The following CACNB2 variants were observed in gnomAD, a reference collection of about 807,000 sequenced individuals.
The protein encoded by CACNB2 is calcium voltage-gated channel auxiliary subunit beta 2, also known as voltage-dependent L-type calcium channel subunit beta-2.
A neutral mutation model predicts 73.3 loss-of-function variants in CACNB2; 42 were observed. The ratio of observed to expected loss-of-function variants is 0.57; its 90% confidence interval spans 0.45 to 0.74. The LOEUF is 0.74. Among genes scored for constraint, CACNB2 ranks in the 30% least tolerant of loss-of-function variants. The probability of loss-of-function intolerance (pLI) is 0.00; values close to 1 mark genes in which losing one functional copy is unlikely to be tolerated. For missense variants in CACNB2, 940 were observed against 853.0 expected (o/e 1.10, Z -1.27); for synonymous variants, 348 against 310.3 (o/e 1.12, Z -1.28).
intron 3 of CACNB2, among the ~76,000 whole-genome samples, chr10:18,497,237 AAAAG>A (rs2049892836): frequency 6.6e-6 from 1 of 151,714 alleles, no homozygotes; most frequent in Admixed American, 6.6e-5. Flanking sequence ...AAAGAAGAAA[AAAAG>A]AAAGAAAGAA....
At chr10:18,144,758 A>G (rs1330359701) in intron 1 of CACNB2, among the ~76,000 whole-genome samples, 1 of 152,214 alleles carries the variant, frequency 6.6e-6, no homozygotes. Context: ...CATGTTTTGG[A>G]TATGCTGGGT....
chr10:18,170,383 GT>G (rs1162949445), intron 2 of CACNB2, among the ~76,000 whole-genome samples: 1 of 152,174 alleles, frequency 6.6e-6, no homozygotes, highest in African/African-American at 2.4e-5. Context: ...GAAAGAATAA[GT>G]CCTTGCCATC....
rs1370816775 is a variant in CACNB2, at chr10:18,500,871, C to T, written c.516C>T (p.Phe172=). 1 of 1,613,704 alleles carries T rather than the reference C, an allele frequency of 6.2e-7. No individual in the cohort carries two copies. Among genetic ancestry groups the T allele is most frequent in the Non-Finnish European group, 8.5e-7 (1 of 1,179,780 alleles). Residue 172 remains phenylalanine (F), a synonymous_variant, in exon 5 of 14, where the codon TTC becomes TTT. Transcript: ENST00000324631. The part of the protein sequence containing the change: ...RLVKEGCEIG[F]IPSPVKLENM... ...TAAAAGAAGGCTGTGAAATCGGATT[C>T]ATTCCAAGCCCAGTCAAACTAGAAA...
At position 18,518,357 on chromosome 10, in the gene CACNB2, G is replaced by A; in HGVS notation, c.826G>A (p.Asp276Asn). 3.1e-6 allele frequency: 5 copies of A among 1,613,520 alleles called. No homozygotes were observed. The highest frequency in any genetic ancestry group is 4.2e-6 in the Non-Finnish European group (5 of 1,179,440). Residue 276 changes from aspartate (D) to asparagine (N), a missense_variant, in exon 8 of 14, where the codon GAT becomes AAT. By Grantham distance (23) the Asp-to-Asn change is conservative. Transcript: ENST00000324631. ...GCAGACAGAGCACACTCCTCCGTATGATGTGGTACCTTCCATGCGACCAGT... is the reference window on the plus strand; with the variant it reads ...GCAGACAGAGCACACTCCTCCGTATAATGTGGTACCTTCCATGCGACCAGT... ...FKKTEHTPPY[D>N]VVPSMRPVVL...
intron 3 of CACNB2, among the ~76,000 whole-genome samples, chr10:18,426,955 A>ATTTTTTTTTTTTTTTTTTTTTTTTTT (rs551543429): frequency 3.7e-5 from 3 of 81,654 alleles, no homozygotes; most frequent in Non-Finnish European, 2.2e-5. Flanking sequence ...CCTTTTCTAC[A>ATTTTTTTTTTTTTTTTTTTTTTTTTT]TTTTTTTTTT....
At chr10:18,338,867 T>C (rs2041120081) in intron 2 of CACNB2, among the ~76,000 whole-genome samples, 1 of 151,236 alleles carries the variant, frequency 6.6e-6, no homozygotes, top group African/African-American at 2.4e-5. Flanking sequence ...GCCTCCCAAG[T>C]AGCTGGGACC....
chr10:18,268,806 C>T (rs1457191682), intron 2 of CACNB2, among the ~76,000 whole-genome samples: 1 of 152,136 alleles, frequency 6.6e-6, no homozygotes, highest in African/African-American at 2.4e-5. Flanking sequence ...TTATCTCCTA[C>T]CTCACTAGAA....
chr10:18,469,346 C>T (rs2048062400), intron 3 of CACNB2, among the ~76,000 whole-genome samples: 1 of 152,222 alleles, frequency 6.6e-6, no homozygotes. Context: ...TTTTATCATT[C>T]CTTCCTTCAC....
intron 3 of CACNB2, among the ~76,000 whole-genome samples, chr10:18,406,861 G>A (rs1041955145): frequency 2.0e-5 from 3 of 152,116 alleles, no homozygotes; most frequent in Non-Finnish European, 4.4e-5. Flanking sequence ...GAAGTACAAA[G>A]AGGGAAGTAA....
At chr10:18,505,611 A>G (rs2050446106) in intron 5 of CACNB2, among the ~76,000 whole-genome samples, 1 of 152,224 alleles carries the variant, frequency 6.6e-6, no homozygotes, top group Non-Finnish European at 1.5e-5. Context: ...TGGCTCGGCC[A>G]TAATAATAAA....
chr10:18,533,563 A>T (rs945866944), intron 10 of CACNB2, among the ~76,000 whole-genome samples: 1 of 152,168 alleles, frequency 6.6e-6, no homozygotes, highest in Admixed American at 6.5e-5. Flanking sequence ...TTTTTGGATA[A>T]GTTTCTTTCT....
At chr10:18,259,115 TA>T (rs1314091421) in intron 2 of CACNB2, among the ~76,000 whole-genome samples, 1 of 152,224 alleles carries the variant, frequency 6.6e-6, no homozygotes, top group Non-Finnish European at 1.5e-5. Context: ...TTTCAGAGTT[TA>T]AATTATGCTA....
intron 3 of CACNB2, among the ~76,000 whole-genome samples, chr10:18,493,480 A>C (rs1207628951): frequency 6.6e-6 from 1 of 152,176 alleles, no homozygotes; most frequent in Non-Finnish European, 1.5e-5. Flanking sequence ...ACACTGTTTT[A>C]TATCAAGGAC....
At chr10:18,511,140 CATCAGTATGCATAG>C (rs1211023162) in intron 6 of CACNB2, among the ~76,000 whole-genome samples, 1 of 152,176 alleles carries the variant, frequency 6.6e-6, no homozygotes, top group Non-Finnish European at 1.5e-5. Context: ...CCTTTTAGCA[CATCAGTATGCATAG>C]ATGGGGCAAA....
At chr10:18,514,974 C>T in intron 7 of CACNB2, 2 of 1,609,276 alleles carry the variant, frequency 1.2e-6, no homozygotes, top group Non-Finnish European at 1.7e-6. Flanking sequence ...ACTTCTAATC[C>T]ACTAGGTGCA....
At chr10:18,297,528 G>A (rs573122856) in intron 2 of CACNB2, among the ~76,000 whole-genome samples, 121 of 152,222 alleles carry the variant, frequency 7.9e-4, no homozygotes, top group Middle Eastern at 3.4e-3. Context: ...ACTGCATTCC[G>A]GCCTGGATGA....
At chr10:18,335,856 T>G (rs1021818078) in intron 2 of CACNB2, among the ~76,000 whole-genome samples, 1 of 148,382 alleles carries the variant, frequency 6.7e-6, no homozygotes, top group Non-Finnish European at 1.5e-5. Context: ...AGTAGAAAAT[T>G]TACAGAAGCT....
intron 3 of CACNB2, among the ~76,000 whole-genome samples, chr10:18,416,840 G>C (rs2044997777): frequency 6.6e-6 from 1 of 151,994 alleles, no homozygotes; most frequent in African/African-American, 2.4e-5. Flanking sequence ...AGCAGATATA[G>C]TTACCCCATT....
chr10:18,460,238 T>G (rs1253604043), intron 3 of CACNB2, among the ~76,000 whole-genome samples: 10 of 152,164 alleles, frequency 6.6e-5, no homozygotes, highest in Non-Finnish European at 1.3e-4. Flanking sequence ...GTCAGTAGAT[T>G]AACATAAAGC....
Sources: allele counts gnomAD v4.1 joint callset (sites outside exome capture counted in the v4.1 genomes callset), GRCh38; gene constraint gnomAD v4.1.1; transcripts MANE v1.5; gene names NCBI Gene and HGNC (gene_info 2026-07-23, HGNC 2026-07-21).